KASH5: variants seen among roughly 807,000 people sequenced by gnomAD.
KASH5 encodes the protein protein KASH5.
KASH5 carries 72 observed loss-of-function variants against 84.2 expected under a neutral mutation model. The observed-to-expected ratio is 0.85, with a 90% CI of 0.71 to 1.04. KASH5 has a LOEUF of 1.04. KASH5 is among the 50% of genes least tolerant of loss of function. The pLI is 0.00. For missense variants in KASH5, 650 were observed against 701.0 expected (o/e 0.93, Z 0.82); for synonymous variants, 260 against 279.1 (o/e 0.93, Z 0.68).
intron 15 of KASH5, among the ~76,000 whole-genome samples, chr19:49,411,525 C>A (rs1159104114): frequency 6.6e-6 from 1 of 152,132 alleles, no homozygotes; most frequent in Non-Finnish European, 1.5e-5. Flanking sequence ...TGCCAATGGT[C>A]ACACAGCTTG....
intron 1 of KASH5, among the ~76,000 whole-genome samples, chr19:49,388,709 A>T (rs1449344845): frequency 6.6e-6 from 1 of 150,938 alleles, no homozygotes; most frequent in African/African-American, 2.5e-5. Flanking sequence ...AAAAAAAAAA[A>T]TCCTGACCAC....
chr19:49,397,927 G>T (rs934747934), intron 6 of KASH5, 55 bp from the exon 7 acceptor site: 2 of 1,579,840 alleles, frequency 1.3e-6, no homozygotes, highest in Non-Finnish European at 1.7e-6. Flanking sequence ...ACCTCGACCC[G>T]GGGAAATGAG....
intron 9 of KASH5, among the ~76,000 whole-genome samples, chr19:49,404,706 A>G (rs770059215): frequency 1.3e-5 from 2 of 152,184 alleles, no homozygotes; most frequent in Non-Finnish European, 2.9e-5. Context: ...TCCATTTACC[A>G]TGTGACCTTG....
At position 49,413,022 on chromosome 19, in the gene KASH5, A is replaced by C; in HGVS notation, c.1324A>C (p.Met442Leu). The change falls in exon 16 of 20, where the codon ATG (methionine) becomes CTG (leucine). Residue 442 changes from methionine (M) to leucine (L), a missense_variant. Transcript: ENST00000447857. ...TGAAGAAGGAAGGAAGGAGCCATCCATGTGGTAAGGAGCTGAGCCATCCGT... is the reference window on the plus strand; with the variant it reads ...TGAAGAAGGAAGGAAGGAGCCATCCCTGTGGTAAGGAGCTGAGCCATCCGT... ...HPEEGRKEPS[M>L]WLTRREEEED... is the part of the protein sequence containing the mutation. 1 of 1,612,730 alleles carries C rather than the reference A, an allele frequency of 6.2e-7. No homozygotes were observed. Among genetic ancestry groups the C allele is most frequent in the Non-Finnish European group, 8.5e-7 (1 of 1,179,824 alleles).
At chr19:49,407,154 C>A in intron 10 of KASH5, 86 bp from the exon 11 acceptor site, 1 of 1,493,212 alleles carries the variant, frequency 6.7e-7, no homozygotes, top group Non-Finnish European at 9.2e-7. Flanking sequence ...CGTGGGGGTG[C>A]GAGAGAACAG....
Position 49,395,573 on chromosome 19 carries a change from A to G in KASH5, c.336-196A>G. On this transcript the variant is annotated intron_variant, in intron 4 of 19. Coordinates refer to ENST00000447857, the MANE Select transcript of KASH5 (RefSeq NM_144688.5). This position sits in a 1 kb window ranked among gnomAD's most constrained non-coding sequence, Gnocchi z 4.4. The stretch of plus-strand genomic sequence containing the variant: ...GACAGAGGTCCCTCCCCAACCCTTC[A>G]CCAAACCCACTCCTTGCCCCTCCTG... The G allele has an allele frequency of 4.7e-6, 3 of 639,106 alleles. No individual in the cohort carries two copies. The highest frequency in any genetic ancestry group is 8.2e-6 in the Non-Finnish European group (3 of 367,116). The allele number at this position is 639,106 out of a possible 1,614,324, so 39.6% of individuals were successfully genotyped here.
intron 11 of KASH5, 74 bp downstream of exon 11, chr19:49,407,370 G>A: frequency 6.6e-7 from 1 of 1,519,840 alleles, no homozygotes; most frequent in South Asian, 1.2e-5. Context: ...GTCTAGAAAG[G>A]GAAGTCCTAC....
intron 9 of KASH5, among the ~76,000 whole-genome samples, chr19:49,405,114 A>G (rs1974481986): frequency 6.6e-6 from 1 of 152,148 alleles, no homozygotes; most frequent in African/African-American, 2.4e-5. Context: ...CCTTGTTTGG[A>G]CCCTCAATCA....
chr19:49,389,552 A>G (rs984001377), intron 1 of KASH5: 2 of 151,960 alleles, frequency 1.3e-5, no homozygotes, highest in African/African-American at 4.8e-5. Flanking sequence ...CCCCCTTTGC[A>G]CCCTGCAGGG....
In KASH5 at chr19:49,414,859, C is replaced by G. The variant is rs1974849644; in HGVS notation, c.1329-92C>G. 6.7e-7 allele frequency: 1 copy of G among 1,484,180 alleles called. No individual in the cohort carries two copies. The highest frequency in any genetic ancestry group is 9.2e-7 in the Non-Finnish European group (1 of 1,084,420). 91.9% of individuals were successfully genotyped at this position (1,484,180 alleles called of 1,614,324 possible). A position where few individuals can be genotyped will look rare whatever the true frequency, so the allele number is the denominator to read the frequency against. ...CGTGCTGCCTGGCCTGTGCTAAGAC[C>G]CCCTGCTCCAAGGCTTCTCTCCCAG... On this transcript the variant is annotated intron_variant, in intron 16 of 19. Coordinates refer to ENST00000447857, the MANE Select transcript of KASH5 (RefSeq NM_144688.5). This position sits in a 1 kb window ranked among gnomAD's most constrained non-coding sequence, Gnocchi z 4.5.
At chr19:49,405,456 CAAAA>C (rs58604196) in intron 9 of KASH5, among the ~76,000 whole-genome samples, 9 of 90,412 alleles carry the variant, frequency 1.0e-4, no homozygotes, top group South Asian at 7.6e-4. Context: ...AAACTCCTCT[CAAAA>C]AAAAAAAAAA....
rs747901392 is a variant in KASH5, at chr19:49,417,259, C to T, written c.1540C>T (p.Arg514Trp). 1.6e-5 allele frequency: 26 copies of T among 1,612,372 alleles called. No homozygotes were observed. The highest frequency in any genetic ancestry group is 6.7e-5 in the East Asian group (3 of 44,854). ...GGGCCAGCTCTGCCTGCCCCCACAG[C>T]GGCTCAGGTGTGCCCCCAGGCGTCT... ...AWGQLCLPPQ[R>W]LRVTRHPLIP... is the part of the protein sequence containing the mutation. Residue 514 changes from arginine (R) to tryptophan (W), a missense_variant, in exon 19 of 20, where the codon CGG becomes TGG. Coordinates refer to ENST00000447857, the MANE Select transcript of KASH5 (RefSeq NM_144688.5). The surrounding 1 kb of genome is among the most constrained non-coding windows in gnomAD (Gnocchi z 5.2).
At position 49,399,574 on chromosome 19, in the gene KASH5, C is replaced by T. The variant is rs1275638658; in HGVS notation, c.798+67C>T. The T allele has an allele frequency of 6.4e-7, 1 of 1,557,584 alleles. No individual in the cohort carries two copies. Among genetic ancestry groups the T allele is most frequent in the African/African-American group, 1.4e-5 (1 of 73,440 alleles). ...CTTAAGGTCTTCTTGACACCACTCC[C>T]TTCTGCCCCCAACACCCCAGCAGCC... On this transcript the variant is annotated intron_variant, in intron 9 of 19. Transcript: ENST00000447857. The surrounding 1 kb of genome is among the most constrained non-coding windows in gnomAD (Gnocchi z 4.4).
At position 49,412,306 on chromosome 19, in the gene KASH5, T is replaced by C. The variant is rs775158430; in HGVS notation, c.1270-662T>C. Among the ~76,000 whole-genome samples the C allele has an allele frequency of 1.3e-5, 2 of 150,866 alleles. No homozygotes were observed. Among genetic ancestry groups the C allele is most frequent in the Non-Finnish European group, 1.5e-5 (1 of 67,688 alleles). On this transcript the variant is annotated intron_variant, in intron 15 of 19. Transcript: ENST00000447857. This position sits in a 1 kb window ranked among gnomAD's most constrained non-coding sequence, Gnocchi z 4.6. Reference sequence around the variant, plus strand: ...GAGGAAAAGGGACAGACAGACATAATTGGGGTGGAGGGACAGAGCAGGGGT... The same window carrying C: ...GAGGAAAAGGGACAGACAGACATAACTGGGGTGGAGGGACAGAGCAGGGGT...
intron 13 of KASH5, 75 bp from the exon 14 acceptor site, chr19:49,409,121 G>GCCCCAA: frequency 6.3e-7 from 1 of 1,589,668 alleles, no homozygotes; most frequent in Non-Finnish European, 8.6e-7. Flanking sequence ...GGGCAGGGAA[G>GCCCCAA]GGAGGCCAGC....
chr19:49,389,747 C>T (rs1421623442), intron 1 of KASH5: 1 of 152,376 alleles, frequency 6.6e-6, no homozygotes, highest in Non-Finnish European at 1.5e-5. Flanking sequence ...CCAGGTCTCT[C>T]TCTAGCCCCC....
At chr19:49,404,408 A>C (rs560872363) in intron 9 of KASH5, among the ~76,000 whole-genome samples, 18 of 152,310 alleles carry the variant, frequency 1.2e-4, no homozygotes, top group Non-Finnish European at 2.2e-4. Flanking sequence ...GTCCCATTTC[A>C]TGGCTGGCAT....
At chr19:49,409,164 G>A (rs953499429) in intron 13 of KASH5, 32 bp from the exon 14 acceptor site, 1 of 1,609,070 alleles carries the variant, frequency 6.2e-7, no homozygotes, top group Non-Finnish European at 8.5e-7. Flanking sequence ...AGGCACAGAG[G>A]CCATCTTCCT....
intron 1 of KASH5, chr19:49,390,031 C>G (rs1973951850): frequency 6.6e-6 from 1 of 152,560 alleles, no homozygotes; most frequent in African/African-American, 2.4e-5. Context: ...AGAGACTACT[C>G]AATGCCACTC....
Sources: gnomAD v4.1 joint callset for allele counts (sites outside exome capture counted in the v4.1 genomes callset) on GRCh38, gnomAD v4.1.1 for gene constraint, Gnocchi (gnomAD v3.1) non-coding constraint, MANE v1.5 for transcripts, NCBI Gene and HGNC (gene_info 2026-07-23, HGNC 2026-07-21) for gene names.